The following SHOC2 variants were observed in gnomAD, a reference collection of about 807,000 sequenced individuals.
SHOC2 encodes SHOC2 leucine rich repeat scaffold protein.
In SHOC2, 4 loss-of-function variants were observed where a neutral mutation model predicts 50.2. That is an observed-to-expected ratio of 0.08 (90% confidence interval 0.04 to 0.18). The LOEUF (loss-of-function observed/expected upper bound fraction) is 0.18, where lower values mean the gene tolerates loss of function less well. Ranked by LOEUF, SHOC2 falls within the 10% of genes least tolerant of loss-of-function variation. The pLI, the probability that SHOC2 is intolerant of heterozygous loss-of-function variation, is 1.00. For synonymous variants in SHOC2, 218 were observed against 244.5 expected (o/e 0.89, Z 1.01); for missense variants, 388 against 669.6 (o/e 0.58, Z 4.64).
At chr10:110,967,543 T>G (rs184178756) in intron 2 of SHOC2, among the ~76,000 whole-genome samples, 65 of 152,296 alleles carry the variant, frequency 4.3e-4, no homozygotes, top group Admixed American at 1.1e-3. Context: ...AATATTCAGA[T>G]TTATGTAACC....
At chr10:110,954,363 A>G (rs898936163) in intron 1 of SHOC2, among the ~76,000 whole-genome samples, 4 of 152,216 alleles carry the variant, frequency 2.6e-5, no homozygotes, top group East Asian at 1.9e-4. Flanking sequence ...TTGGTCATCT[A>G]GAATCATCTC....
At chr10:110,975,897 G>T (rs1022258684) in intron 2 of SHOC2, among the ~76,000 whole-genome samples, 2 of 151,340 alleles carry the variant, frequency 1.3e-5, no homozygotes, top group African/African-American at 2.4e-5. Context: ...AGCACTCGTT[G>T]CTGGATCTTC....
At chr10:110,968,961 A>G (rs1001325400) in intron 2 of SHOC2, among the ~76,000 whole-genome samples, 1 of 152,246 alleles carries the variant, frequency 6.6e-6, no homozygotes, top group African/African-American at 2.4e-5. Flanking sequence ...TTAAGCATTA[A>G]TGACATTTTT....
chr10:110,958,570 C>G (rs1167400770), intron 1 of SHOC2, among the ~76,000 whole-genome samples: 1 of 152,056 alleles, frequency 6.6e-6, no homozygotes, highest in South Asian at 2.1e-4. Context: ...CTTCTACATG[C>G]GTTTTGTGGA....
chr10:110,945,608 G>T (rs1847231619), intron 1 of SHOC2, among the ~76,000 whole-genome samples: 1 of 152,062 alleles, frequency 6.6e-6, no homozygotes, highest in African/African-American at 2.4e-5. Context: ...GCTGTTTTCT[G>T]TGATGTCGCC....
intron 4 of SHOC2, among the ~76,000 whole-genome samples, chr10:111,004,073 A>T (rs1848427555): frequency 6.6e-6 from 1 of 152,210 alleles, no homozygotes. Context: ...GCGGTGTATT[A>T]TACAGTATCA....
intron 3 of SHOC2, among the ~76,000 whole-genome samples, chr10:110,990,427 A>G (rs559894230): frequency 1.8e-4 from 27 of 152,072 alleles, no homozygotes; most frequent in Admixed American, 2.6e-4. Context: ...GTTTAGCTCA[A>G]GGTTTGTGAG....
chr10:110,999,759 A>AAAG (rs66461138), intron 3 of SHOC2, among the ~76,000 whole-genome samples: 1 of 144,118 alleles, frequency 6.9e-6, no homozygotes, highest in Non-Finnish European at 1.5e-5. Flanking sequence ...AAAAAAAAAA[A>AAAG]GAAAGAAAAG....
intron 3 of SHOC2, among the ~76,000 whole-genome samples, chr10:110,996,591 T>C (rs1305495802): frequency 6.6e-6 from 1 of 151,904 alleles, no homozygotes; most frequent in East Asian, 1.9e-4. Flanking sequence ...AAATATATTT[T>C]GAGAATACAA....
intron 2 of SHOC2, among the ~76,000 whole-genome samples, chr10:110,980,076 C>T (rs542236919): frequency 1.2e-4 from 19 of 152,096 alleles, no homozygotes; most frequent in African/African-American, 4.1e-4. Context: ...TCATCTACAA[C>T]CAGTTGGGAA....
chr10:110,926,275 C>G (rs1479890497), intron 1 of SHOC2, among the ~76,000 whole-genome samples: 1 of 152,104 alleles, frequency 6.6e-6, no homozygotes, highest in Non-Finnish European at 1.5e-5. Context: ...ACTGTTCCAC[C>G]AGTATACAAT....
chr10:110,996,357 A>G (rs1034656926), intron 3 of SHOC2, among the ~76,000 whole-genome samples: 6 of 152,080 alleles, frequency 3.9e-5, no homozygotes, highest in African/African-American at 1.2e-4. Flanking sequence ...GCGAAACTCT[A>G]TCTCTACAAA....
intron 3 of SHOC2, among the ~76,000 whole-genome samples, chr10:110,997,893 G>T (rs1848297728): frequency 6.6e-6 from 1 of 151,640 alleles, no homozygotes; most frequent in Non-Finnish European, 1.5e-5. Context: ...TGAATATTTA[G>T]ATTGTCCCTA....
intron 5 of SHOC2, among the ~76,000 whole-genome samples, chr10:111,006,687 A>C (rs1848474636): frequency 6.6e-6 from 1 of 152,232 alleles, no homozygotes; most frequent in Non-Finnish European, 1.5e-5. Context: ...TTAAAGATAC[A>C]GATTAACATA....
At chr10:110,957,771 C>T (rs548413864) in intron 1 of SHOC2, among the ~76,000 whole-genome samples, 14 of 152,218 alleles carry the variant, frequency 9.2e-5, no homozygotes, top group South Asian at 4.1e-4. Flanking sequence ...ATTGATGCCA[C>T]GACAAATTAA....
At chr10:110,937,028 C>A (rs753746386) in intron 1 of SHOC2, 5 of 1,482,450 alleles carry the variant, frequency 3.4e-6, no homozygotes, top group Non-Finnish European at 4.7e-6. Flanking sequence ...GTGGTAGGGG[C>A]GTCGGAAAGG....
At chr10:110,994,571 A>T (rs1848237446) in intron 3 of SHOC2, among the ~76,000 whole-genome samples, 1 of 152,210 alleles carries the variant, frequency 6.6e-6, no homozygotes, top group African/African-American at 2.4e-5. Flanking sequence ...GGTTAAATAG[A>T]ATGAGGTATA....
At chr10:110,934,437 A>G (rs1238930007) in intron 1 of SHOC2, among the ~76,000 whole-genome samples, 2 of 152,212 alleles carry the variant, frequency 1.3e-5, no homozygotes, top group Non-Finnish European at 2.9e-5. Flanking sequence ...TCTAGAATTT[A>G]CTATTTGTTA....
At chr10:110,983,508 A>G (rs868684401) in intron 2 of SHOC2, among the ~76,000 whole-genome samples, 129 of 152,274 alleles carry the variant, frequency 8.5e-4, no homozygotes, top group African/African-American at 2.9e-3. Flanking sequence ...TTTTTTTATT[A>G]TAAAATATGC....
Sources: gnomAD v4.1 joint callset for allele counts (sites outside exome capture counted in the v4.1 genomes callset) on GRCh38, gnomAD v4.1.1 for gene constraint, MANE v1.5 for transcripts, NCBI Gene and HGNC (gene_info 2026-07-23, HGNC 2026-07-21) for gene names.